Variants in KRT17 observed in about 807,000 individuals in gnomAD.
KRT17 encodes the protein keratin 17.
In KRT17, 29 loss-of-function variants were observed where a neutral mutation model predicts 45.6. The ratio of observed to expected loss-of-function variants is 0.64; its 90% confidence interval spans 0.47 to 0.87. The LOEUF (loss-of-function observed/expected upper bound fraction) is 0.87, where lower values mean the gene tolerates loss of function less well. Ranked by LOEUF, KRT17 falls within the 40% of genes least tolerant of loss-of-function variation. The probability of loss-of-function intolerance (pLI) is 0.00; values close to 1 mark genes in which losing one functional copy is unlikely to be tolerated. For missense variants in KRT17, 536 were observed against 577.8 expected (o/e 0.93, Z 0.74); for synonymous variants, 219 against 234.6 (o/e 0.93, Z 0.61).
chr17:41,622,263 C>T, intron 3 of KRT17, 92 bp downstream of exon 3: 3 of 1,532,216 alleles, frequency 2.0e-6, no homozygotes, highest in East Asian at 4.5e-5. Flanking sequence ...TGCACCTGCT[C>T]TGCTCTCTCC....
chr17:41,619,647 G>C lies in KRT17; in HGVS notation c.1246C>G (p.Gln416Glu). Residue 416 changes from glutamine (Q) to glutamate (E), a missense_variant, in exon 8 of 8, where the codon CAG (glutamine) becomes GAG (glutamate). Coordinates refer to ENST00000311208, the MANE Select transcript of KRT17 (RefSeq NM_000422.3). ...CGGGAGGAGATGACCTTGCCATCCTGGACCTCTTCCACAATGGTACGCACC... is the reference window on the plus strand; with the variant it reads ...CGGGAGGAGATGACCTTGCCATCCTCGACCTCTTCCACAATGGTACGCACC... ...RQVRTIVEEV[Q>E]DGKVISSREQ... 6.2e-7 allele frequency: 1 copy of C among 1,612,212 alleles called. No homozygotes were observed. Among genetic ancestry groups the C allele is most frequent in the South Asian group, 1.1e-5 (1 of 90,992 alleles).
In KRT17 at chr17:41,619,636, C is replaced by T. The variant is rs774384223; in HGVS notation, c.1257G>A (p.Lys419=). 3 of 1,612,186 alleles carry T rather than the reference C, an allele frequency of 1.9e-6. No homozygotes were observed. The highest frequency in any genetic ancestry group is 1.1e-5 in the South Asian group (1 of 90,996). The change falls in exon 8 of 8, where the codon AAG becomes AAA. Residue 419 remains lysine (K), a synonymous_variant. Coordinates refer to ENST00000311208, the MANE Select transcript of KRT17 (RefSeq NM_000422.3). ...RTIVEEVQDG[K]VISSREQVHQ... ...GGACCTGCTCGCGGGAGGAGATGAC[C>T]TTGCCATCCTGGACCTCTTCCACAA...
Position 41,620,574 on chromosome 17 carries a change from A to G in KRT17, c.1182-16T>C. On this transcript the variant is annotated splice_polypyrimidine_tract_variant and intron_variant, in intron 6 of 7. Coordinates refer to ENST00000311208, the MANE Select transcript of KRT17 (RefSeq NM_000422.3). ...CTGAGTCAGGCTGAAAGAAAAAAAAAAACAGAGAGGAAATTAGATGTGGGT... is the reference window on the plus strand; with the variant it reads ...CTGAGTCAGGCTGAAAGAAAAAAAAGAACAGAGAGGAAATTAGATGTGGGT... 6.2e-7 allele frequency: 1 copy of G among 1,611,464 alleles called. No individual in the cohort carries two copies. Among genetic ancestry groups the G allele is most frequent in the South Asian group, 1.1e-5 (1 of 90,978 alleles).
intron 3 of KRT17, chr17:41,621,958 G>A: frequency 1.6e-6 from 1 of 641,828 alleles, no homozygotes; most frequent in Non-Finnish European, 2.8e-6. Flanking sequence ...TTAGACCAAG[G>A]ACTCTCCAAA....
In KRT17 at chr17:41,624,016, A is replaced by G. The variant is rs554621780; in HGVS notation, c.432+62T>C. Reference sequence around the variant, plus strand: ...TGGCTGGACTCCAGGCCTTTGGCCAAGGCAGGAGTTGGGGGGAAGAAGTCA... The same window carrying G: ...TGGCTGGACTCCAGGCCTTTGGCCAGGGCAGGAGTTGGGGGGAAGAAGTCA... On this transcript the variant is annotated intron_variant, in intron 1 of 7. Transcript: ENST00000311208. The G allele has an allele frequency of 6.8e-4, 1,095 of 1,608,908 alleles. 1 individual carries two copies. Among genetic ancestry groups the G allele is most frequent in the Middle Eastern group, 5.0e-3 (22 of 4,422 alleles).
chr17:41,623,599 A>C (rs550931814), intron 1 of KRT17, among the ~76,000 whole-genome samples: 5 of 152,126 alleles, frequency 3.3e-5, no homozygotes, highest in Non-Finnish European at 7.4e-5. Flanking sequence ...AATAAGGCAC[A>C]TCAGAGGCCT....
intron 3 of KRT17, chr17:41,622,149 G>A (rs1908564333): frequency 2.9e-6 from 2 of 691,194 alleles, no homozygotes; most frequent in South Asian, 1.8e-5. Flanking sequence ...GGTTCCTTGT[G>A]TACAGAGAAG....
chr17:41,621,692 T>TCGTTGA lies in KRT17; in HGVS notation c.734_735insTCAACG (p.Pro245_Gly246insGlnArg). ...TGAGGATGCGGCTCAGGTCCACGCC[T>TCGTTGA]GGGGCAGCGTCCATCTCCACATTGA... On this transcript the variant is annotated inframe_insertion, in exon 4 of 8. Coordinates refer to ENST00000311208, the MANE Select transcript of KRT17 (RefSeq NM_000422.3). 1.2e-6 allele frequency: 2 copies of TCGTTGA among 1,612,266 alleles called. No homozygotes were observed. Among genetic ancestry groups the TCGTTGA allele is most frequent in the Non-Finnish European group, 1.7e-6 (2 of 1,179,854 alleles).
intron 3 of KRT17, 141 bp downstream of exon 3, chr17:41,622,214 T>A: frequency 1.9e-6 from 2 of 1,063,376 alleles, no homozygotes; most frequent in Non-Finnish European, 1.5e-6. Context: ...GGATCAGGGC[T>A]CTGCAGACAG....
Position 41,622,991 on chromosome 17 carries a change from C to T in KRT17, c.474G>A (p.Gln158=), listed in dbSNP as rs1476596791. Reference sequence around the variant, plus strand: ...CAGCAGCCAGACGGGCATTGTCAATCTGTAGCAGGATGTTGGCATTGTCCA... The same window carrying T: ...CAGCAGCCAGACGGGCATTGTCAATTTGTAGCAGGATGTTGGCATTGTCCA... ...ATVDNANILL[Q]IDNARLAADD... Residue 158 remains glutamine (Q), a synonymous_variant, in exon 2 of 8, where the codon CAG becomes CAA. Coordinates refer to ENST00000311208, the MANE Select transcript of KRT17 (RefSeq NM_000422.3). The T allele has an allele frequency of 3.7e-6, 6 of 1,613,274 alleles. No individual in the cohort carries two copies. Among genetic ancestry groups the T allele is most frequent in the Non-Finnish European group, 5.1e-6 (6 of 1,179,848 alleles).
chr17:41,623,990 A>G (rs1567749552), intron 1 of KRT17, 88 bp downstream of exon 1: 5 of 1,586,986 alleles, frequency 3.2e-6, no homozygotes, highest in Non-Finnish European at 4.3e-6. Flanking sequence ...CTGAGACCCT[A>G]TGGCTGGACT....
Position 41,620,853 on chromosome 17 carries a change from C to A in KRT17, c.987G>T (p.Ala329=). The change falls in exon 6 of 8, where the codon GCG becomes GCT. Residue 329 remains alanine (A), a synonymous_variant. Transcript: ENST00000311208. ...GCACGCAGTAGCGGTTCTCTGTCTC[C>A]GCCAGGTTGCCCTCCAGGGATGCTT... ...SMKASLEGNL[A]ETENRYCVQL... is the part of the protein sequence containing the mutation. 6.2e-7 allele frequency: 1 copy of A among 1,613,894 alleles called. No individual in the cohort carries two copies. The highest frequency in any genetic ancestry group is 8.5e-7 in the Non-Finnish European group (1 of 1,179,882).
Position 41,619,601 on chromosome 17 carries a change from G to T in KRT17, c.1292C>A (p.Thr431Asn), listed in dbSNP as rs1391829698. The T allele has an allele frequency of 6.2e-7, 1 of 1,612,110 alleles. No individual in the cohort carries two copies. The highest frequency in any genetic ancestry group is 1.3e-5 in the African/African-American group (1 of 74,872). ...ISSREQVHQT[T>N]R is the part of the protein sequence containing the mutation. ...GCCGGGGTAGCTGAGTCCTCAGCGG[G>T]TGGTCTGGTGGACCTGCTCGCGGGA... Residue 431 changes from threonine to asparagine, a missense_variant, in exon 8 of 8, where the codon ACC (threonine) becomes AAC (asparagine). Physicochemically the swap from Thr to Asn is moderately conservative, Grantham distance 65. Transcript: ENST00000311208.
Position 41,620,555 on chromosome 17 carries a change from C to T in KRT17, c.1185G>A (p.Leu395=). The T allele has an allele frequency of 1.2e-6, 2 of 1,610,614 alleles. No homozygotes were observed. The highest frequency in any genetic ancestry group is 1.7e-5 in the Admixed American group (1 of 59,948). The change falls in exon 7 of 8, where the codon CTG becomes CTA. Residue 395 remains leucine, a synonymous_variant. Transcript: ENST00000311208. ...ACTTACGTTCTTTCTTGTACTGAGT[C>T]AGGCTGAAAGAAAAAAAAAAACAGA... ...RRLLEGEDAH[L]TQYKKEPVTT...
At position 41,621,660 on chromosome 17, in the gene KRT17, A is replaced by G; in HGVS notation, c.767T>C (p.Met256Thr). The G allele has an allele frequency of 6.2e-7, 1 of 1,612,162 alleles. No individual in the cohort carries two copies. Among genetic ancestry groups the G allele is most frequent in the Non-Finnish European group, 8.5e-7 (1 of 1,179,852 alleles). ...TGCCATCTTCTCATACTGGTCACGC[A>G]TCTCGTTGAGGATGCGGCTCAGGTC... ...GVDLSRILNE[M>T]RDQYEKMAEK... Residue 256 changes from methionine (M) to threonine (T), a missense_variant, in exon 4 of 8, where the codon ATG (methionine) becomes ACG (threonine). Physicochemically the swap from Met to Thr is moderately conservative, Grantham distance 81 (BLOSUM62 -1). Coordinates refer to ENST00000311208, the MANE Select transcript of KRT17 (RefSeq NM_000422.3).
chr17:41,619,921 G>A (rs1324586195), intron 7 of KRT17: 16 of 985,266 alleles, frequency 1.6e-5, no homozygotes, highest in Non-Finnish European at 1.9e-5. Context: ...CTCCCCAGAT[G>A]GGTTATTTGA....
chr17:41,620,812 T>C lies in KRT17; in HGVS notation c.1028A>G (p.Gln343Arg). Residue 343 changes from glutamine to arginine, a missense_variant, in exon 6 of 8, where the codon CAG (glutamine) becomes CGG (arginine). By Grantham distance (43) the Gln-to-Arg change is conservative (BLOSUM62 1). Coordinates refer to ENST00000311208, the MANE Select transcript of KRT17 (RefSeq NM_000422.3). ...CTCCTCCACGCTGCCAATCAGCCCC[T>C]GGATCTGGGACAGCTGCACGCAGTA... The part of the protein sequence containing the change: ...NRYCVQLSQI[Q>R]GLIGSVEEQL... 1 of 1,613,414 alleles carries C rather than the reference T, an allele frequency of 6.2e-7. No individual in the cohort carries two copies. The highest frequency in any genetic ancestry group is 8.5e-7 in the Non-Finnish European group (1 of 1,179,866).
intron 5 of KRT17, 36 bp downstream of exon 5, chr17:41,620,930 T>C (rs1466217624): frequency 1.2e-6 from 2 of 1,614,020 alleles, no homozygotes; most frequent in Non-Finnish European, 1.7e-6. Context: ...CAATGCCCTC[T>C]TCTGGGCCCT....
chr17:41,619,896 C>G (rs1462662524), intron 7 of KRT17: 1 of 985,376 alleles, frequency 1.0e-6, no homozygotes, highest in Non-Finnish European at 1.2e-6. Context: ...GCCGGTGGCC[C>G]TGTGTGAGTC....
Sources: gnomAD v4.1 joint callset for allele counts (sites outside exome capture counted in the v4.1 genomes callset) on GRCh38, gnomAD v4.1.1 for gene constraint, MANE v1.5 for transcripts, NCBI Gene and HGNC (gene_info 2026-07-23, HGNC 2026-07-21) for gene names.